Variants in SEC14L3 observed in about 807,000 individuals in gnomAD.
SEC14L3 encodes the protein SEC14-like protein 3.
In SEC14L3, 56 loss-of-function variants were observed where a neutral mutation model predicts 57.4. The ratio of observed to expected loss-of-function variants is 0.97; its 90% CI spans 0.79 to 1.22. The LOEUF (loss-of-function observed/expected upper bound fraction) is 1.22, where lower values mean the gene tolerates loss of function less well. Among genes scored for constraint, SEC14L3 ranks in the 50% most tolerant of loss-of-function variants. The pLI is 0.00. For synonymous variants in SEC14L3, 173 were observed against 194.4 expected, an observed-to-expected ratio of 0.89 and a Z score of 0.92; for missense variants, 485 against 511.7, an observed-to-expected ratio of 0.95 and a Z score of 0.50.
Position 30,459,625 on chromosome 22 carries a change from T to A in SEC14L3, c.*396A>T, listed in dbSNP as rs1233598358. On this transcript the variant is annotated 3_prime_UTR_variant, in exon 12 of 12. Coordinates refer to ENST00000215812, the MANE Select transcript of SEC14L3 (RefSeq NM_174975.5). ...AAATATACACTGAGCATCTACTATA[T>A]ATAGGGAGTGGAAGTAAAAAGGATT... is the stretch of plus-strand genomic sequence containing the variant. The A allele has an allele frequency of 1.0e-6, 1 of 1,003,342 alleles. No homozygotes were observed. Among genetic ancestry groups the A allele is most frequent in the Non-Finnish European group, 1.2e-6 (1 of 839,454 alleles). 62.2% of individuals were successfully genotyped at this position (1,003,342 alleles called of 1,614,324 possible).
chr22:30,449,107 G>C (rs1569222800), exon 13 of SEC14L3: 1 of 1,550,558 alleles, frequency 6.4e-7, no homozygotes, highest in Admixed American at 2.0e-5. Context: ...GCAGGGAGGG[G>C]TAAAGGCCTA....
In SEC14L3 at chr22:30,461,666, G is replaced by T. The variant is rs758401030; in HGVS notation, c.800C>A (p.Ser267Tyr). The T allele has an allele frequency of 6.2e-7, 1 of 1,610,034 alleles. No homozygotes were observed. The highest frequency in any genetic ancestry group is 8.5e-7 in the Non-Finnish European group (1 of 1,177,484). ...CTTCACCTGGTCCCGCACGTACATG[G>T]ACTTGGGGATCTCCCCGCCATAGTT... ...KINYGGEIPK[S>Y]MYVRDQVKTQ... The change falls in exon 10 of 12, where the codon TCC (serine) becomes TAC (tyrosine). Residue 267 changes from serine (S) to tyrosine (Y), a missense_variant. Coordinates refer to ENST00000215812, the MANE Select transcript of SEC14L3 (RefSeq NM_174975.5).
At chr22:30,468,081 C>T (rs750097175) in intron 5 of SEC14L3, among the ~76,000 whole-genome samples, 8 of 152,056 alleles carry the variant, frequency 5.3e-5, no homozygotes, top group Non-Finnish European at 1.0e-4. Context: ...GAGATCGAGA[C>T]CATCCCGGCC....
chr22:30,467,753 T>C (rs752044135), intron 5 of SEC14L3, among the ~76,000 whole-genome samples: 1 of 152,184 alleles, frequency 6.6e-6, no homozygotes, highest in Non-Finnish European at 1.5e-5. Flanking sequence ...ACAGAAGGAA[T>C]AGCAAGGGCA....
At chr22:30,455,112 T>TATATTA (rs1935090358), downstream of SEC14L3, among the ~76,000 whole-genome samples, 1 of 59,220 alleles carries the variant, frequency 1.7e-5, no homozygotes, top group Non-Finnish European at 2.8e-5. Flanking sequence ...ATTTAATATT[T>TATATTA]AATATTTAAT....
intron 12 of SEC14L3, among the ~76,000 whole-genome samples, chr22:30,453,877 T>C (rs2146085885): frequency 6.6e-6 from 1 of 152,276 alleles, no homozygotes; most frequent in South Asian, 2.1e-4. Context: ...CCGGCCCTGC[T>C]GAAGGTCAAG....
chr22:30,470,355 T>G, intron 2 of SEC14L3, 100 bp from the exon 3 acceptor site: 1 of 1,589,228 alleles, frequency 6.3e-7, no homozygotes. Context: ...GGGTGAGACC[T>G]TGCTCCCCTA....
downstream of SEC14L3, among the ~76,000 whole-genome samples, chr22:30,454,856 T>TA (rs1384261277): frequency 2.4e-3 from 121 of 50,880 alleles, 29 homozygotes; most frequent in African/African-American, 0.011. Flanking sequence ...ATATATTATA[T>TA]TATTATATAA....
downstream of SEC14L3, chr22:30,459,152 G>T: frequency 3.8e-6 from 2 of 532,588 alleles, no homozygotes; most frequent in South Asian, 8.2e-5. Flanking sequence ...GGGCCTTGGG[G>T]ATGGCATGAG....
At chr22:30,449,203 C>T (rs1001787158) in exon 13 of SEC14L3, 27 of 1,550,372 alleles carry the variant, frequency 1.7e-5, no homozygotes, top group Admixed American at 9.8e-5. Context: ...CATATAATCA[C>T]GGGCAGATGA....
At chr22:30,461,008 T>A (rs1333479046) in intron 11 of SEC14L3, among the ~76,000 whole-genome samples, 1 of 152,148 alleles carries the variant, frequency 6.6e-6, no homozygotes, top group Non-Finnish European at 1.5e-5. Flanking sequence ...ACAAGTTGAT[T>A]TATTTTTCAG....
intron 12 of SEC14L3, among the ~76,000 whole-genome samples, chr22:30,451,758 G>C (rs1934985071): frequency 6.6e-6 from 1 of 152,006 alleles, no homozygotes; most frequent in Non-Finnish European, 1.5e-5. Context: ...GGGAGGCCAA[G>C]GTGGGCAGAT....
At chr22:30,455,082 A>ATATTTAATATTT (rs1569225573), downstream of SEC14L3, among the ~76,000 whole-genome samples, 573 of 36,204 alleles carry the variant, frequency 0.016, 7 homozygotes, top group African/African-American at 0.074. Context: ...ATAATATATT[A>ATATTTAATATTT]AATATTTAAT....
intron 5 of SEC14L3, among the ~76,000 whole-genome samples, chr22:30,467,496 C>T (rs1643446099): frequency 6.6e-6 from 1 of 152,190 alleles, no homozygotes; most frequent in Non-Finnish European, 1.5e-5. Context: ...TAATAACCCA[C>T]AGTTTTTGTC....
chr22:30,459,981 A>T lies in SEC14L3; in HGVS notation c.*40T>A, dbSNP rs780260291. 13 of 1,605,596 alleles carry T rather than the reference A, an allele frequency of 8.1e-6. No individual in the cohort carries two copies. The East Asian group carries it at 2.7e-4, about 33-fold the overall frequency. On this transcript the variant is annotated 3_prime_UTR_variant, in exon 12 of 12. Transcript: ENST00000215812. ...GGGAGTGTAGGATATAAACAGAGAA[A>T]TCAAAGGGTTAGGAGGTCTCTGAGA...
At chr22:30,458,944 G>T (rs1191809781), downstream of SEC14L3, among the ~76,000 whole-genome samples, 2 of 152,196 alleles carry the variant, frequency 1.3e-5, no homozygotes, top group African/African-American at 4.8e-5. Context: ...GGTCAAGACT[G>T]CAGTGAGCCA....
At chr22:30,453,803 G>C (rs1013590627) in intron 12 of SEC14L3, among the ~76,000 whole-genome samples, 3 of 152,186 alleles carry the variant, frequency 2.0e-5, no homozygotes, top group African/African-American at 7.2e-5. Flanking sequence ...AAAGGGAGGA[G>C]AGATAGGGCT....
At chr22:30,450,279 C>T (rs9808860) in intron 12 of SEC14L3, among the ~76,000 whole-genome samples, 186 of 152,124 alleles carry the variant, frequency 1.2e-3, no homozygotes, top group Middle Eastern at 3.4e-3. Context: ...TGGAGCTGGA[C>T]GCGATCCTTT....
intron 12 of SEC14L3, among the ~76,000 whole-genome samples, chr22:30,452,894 T>G (rs1395035883): frequency 6.6e-6 from 1 of 152,010 alleles, no homozygotes; most frequent in Non-Finnish European, 1.5e-5. Context: ...TTTTGTTGTT[T>G]TTTGTAGAGA....
Sources: gnomAD v4.1 joint callset for allele counts (sites outside exome capture counted in the v4.1 genomes callset) on GRCh38, gnomAD v4.1.1 for gene constraint, MANE v1.5 for transcripts, NCBI Gene and HGNC (gene_info 2026-07-23, HGNC 2026-07-21) for gene names.